TFEC: variants seen among roughly 807,000 people sequenced by gnomAD.
TFEC encodes transcription factor EC.
Under a neutral mutation model 41.6 loss-of-function variants are expected in TFEC, and 31 were observed. The observed-to-expected ratio is 0.74, with a 90% CI of 0.56 to 1.01. The LOEUF is 1.01. Ranked by LOEUF, TFEC falls within the 50% of genes least tolerant of loss-of-function variation. The pLI is 0.00. For missense variants in TFEC, 402 were observed against 404.1 expected (o/e 0.99, Z 0.04); for synonymous variants, 143 against 140.6 (o/e 1.02, Z -0.12).
At chr7:116,075,956 C>T (rs28802103) in intron 3 of TFEC, among the ~76,000 whole-genome samples, 23 of 152,258 alleles carry the variant, frequency 1.5e-4, no homozygotes, top group Non-Finnish European at 2.1e-4. Context: ...GCTGGCTGGA[C>T]GCCAACCAAC....
intron 3 of TFEC, among the ~76,000 whole-genome samples, chr7:116,056,679 G>C (rs1796438666): frequency 6.6e-6 from 1 of 152,060 alleles, no homozygotes; most frequent in African/African-American, 2.4e-5. Context: ...TGACCCAAAA[G>C]TATCAAACTC....
intron 3 of TFEC, among the ~76,000 whole-genome samples, chr7:116,055,999 C>A (rs958600672): frequency 1.2e-4 from 18 of 151,884 alleles, no homozygotes; most frequent in South Asian, 2.1e-4. Flanking sequence ...TCACTAAAAT[C>A]ATTGTTTAAA....
intron 3 of TFEC, among the ~76,000 whole-genome samples, chr7:116,082,445 C>T (rs1472091828): frequency 6.6e-6 from 1 of 151,852 alleles, no homozygotes; most frequent in African/African-American, 2.4e-5. Context: ...AACTATTTTG[C>T]CAATATTGTG....
At chr7:116,151,626 T>C (rs188202955) in intron 1 of TFEC, among the ~76,000 whole-genome samples, 53 of 152,272 alleles carry the variant, frequency 3.5e-4, no homozygotes, top group African/African-American at 1.2e-3. Context: ...TTTTGGTTTT[T>C]TTCCAAAATG....
At chr7:116,061,740 C>G (rs117334378) in intron 3 of TFEC, among the ~76,000 whole-genome samples, 1 of 151,982 alleles carries the variant, frequency 6.6e-6, no homozygotes, top group Admixed American at 6.6e-5. Context: ...TGTTCTGAAA[C>G]TCCCTAAATT....
rs143686833 is a variant in TFEC, at chr7:116,099,457, T to A, written c.198+11251A>T. On this transcript the variant is annotated intron_variant, in intron 3 of 8. Transcript: ENST00000484212. ...GTCTTCTCCCACGGCGACTCTAGAG[T>A]TAGCCATGATGATTTGGCTGAAGGG... Among the ~76,000 whole-genome samples, 259 of 152,256 alleles carry A rather than the reference T, an allele frequency of 1.7e-3. 1 individual carries two copies. Among genetic ancestry groups the A allele is most frequent in the African/African-American group, 6.0e-3 (248 of 41,554 alleles).
chr7:115,956,451 T>C (rs1282016304), intron 4 of TFEC, among the ~76,000 whole-genome samples: 2 of 151,042 alleles, frequency 1.3e-5, no homozygotes, highest in Non-Finnish European at 3.0e-5. Context: ...GTAAAACATA[T>C]ATGTGCATTT....
At chr7:115,979,604 T>A (rs1157838013) in intron 2 of TFEC, among the ~76,000 whole-genome samples, 1 of 152,132 alleles carries the variant, frequency 6.6e-6, no homozygotes, top group Non-Finnish European at 1.5e-5. Context: ...AGAAATAGAT[T>A]TTTTATTTTC....
chr7:116,037,067 ATAG>A (rs1795928020), intron 3 of TFEC, among the ~76,000 whole-genome samples: 1 of 152,106 alleles, frequency 6.6e-6, no homozygotes, highest in Non-Finnish European at 1.5e-5. Flanking sequence ...AAGTAAATAA[ATAG>A]TAGAGGAGAA....
intron 1 of TFEC, among the ~76,000 whole-genome samples, chr7:116,148,996 G>C (rs965325169): frequency 6.6e-6 from 1 of 151,372 alleles, no homozygotes; most frequent in East Asian, 1.9e-4. Context: ...GATTGATAGA[G>C]TAAAAAGGAA....
chr7:116,111,927 G>A (rs1402659865), intron 2 of TFEC: 1 of 815,834 alleles, frequency 1.2e-6, no homozygotes, highest in Non-Finnish European at 1.5e-6. Context: ...GATAGTACTT[G>A]ATTGAATAAA....
Position 115,940,861 on chromosome 7 carries a change from G to T in TFEC, c.734C>A (p.Ala245Asp). 6.2e-7 allele frequency: 1 copy of T among 1,613,164 alleles called. No individual in the cohort carries two copies. The highest frequency in any genetic ancestry group is 2.2e-5 in the East Asian group (1 of 44,832). Residue 245 changes from alanine (A) to aspartate (D), a missense_variant, in exon 8 of 8, where the codon GCT becomes GAT. Transcript: ENST00000265440. The part of the protein sequence containing the change: ...LASLGTVDLG[A>D]HVTKQQSHPE... ...ATGGCTCTGCTGTTTGGTGACATGAGCACCTAAATCAACCGTGCCAAGTGA... is the reference window on the plus strand; with the variant it reads ...ATGGCTCTGCTGTTTGGTGACATGATCACCTAAATCAACCGTGCCAAGTGA...
chr7:116,155,686 C>T (rs183747006), intron 1 of TFEC, among the ~76,000 whole-genome samples: 2 of 152,340 alleles, frequency 1.3e-5, no homozygotes, highest in Admixed American at 1.3e-4. Flanking sequence ...TTGCCATCCT[C>T]AGGCCACATG....
chr7:116,059,868 A>G (rs1415809308), intron 3 of TFEC, among the ~76,000 whole-genome samples: 1 of 152,084 alleles, frequency 6.6e-6, no homozygotes, highest in Non-Finnish European at 1.5e-5. Flanking sequence ...GAAAACATAT[A>G]TAACAGAAAA....
chr7:115,961,768 T>C (rs1254411804), intron 3 of TFEC, among the ~76,000 whole-genome samples: 1 of 151,684 alleles, frequency 6.6e-6, no homozygotes, highest in African/African-American at 2.4e-5. Context: ...AGGATGCCTG[T>C]TTTCACTACT....
intron 5 of TFEC, among the ~76,000 whole-genome samples, chr7:115,951,967 A>T (rs1460687625): frequency 6.6e-6 from 1 of 152,110 alleles, no homozygotes; most frequent in Non-Finnish European, 1.5e-5. Flanking sequence ...ATATGTTTAA[A>T]GCTTTTGGGG....
intron 1 of TFEC, among the ~76,000 whole-genome samples, chr7:116,151,742 G>A (rs1798766490): frequency 6.6e-6 from 1 of 151,948 alleles, no homozygotes; most frequent in Admixed American, 6.5e-5. Context: ...ACATTTTAAT[G>A]GATGAAATAA....
intron 3 of TFEC, among the ~76,000 whole-genome samples, chr7:116,064,229 T>C (rs1490317530): frequency 6.6e-6 from 1 of 152,064 alleles, no homozygotes; most frequent in African/African-American, 2.4e-5. Flanking sequence ...GAATTTTAAG[T>C]GTTCTCACCA....
intron 1 of TFEC, among the ~76,000 whole-genome samples, chr7:116,138,217 GA>G (rs1345577374): frequency 6.6e-6 from 1 of 152,150 alleles, no homozygotes; most frequent in African/African-American, 2.4e-5. Flanking sequence ...TATTTATAAT[GA>G]ATTCAAAACA....
Sources: gnomAD v4.1 joint callset for allele counts (sites outside exome capture counted in the v4.1 genomes callset) on GRCh38, gnomAD v4.1.1 for gene constraint, MANE v1.5 for transcripts, NCBI Gene and HGNC (gene_info 2026-07-23, HGNC 2026-07-21) for gene names.